Variants in GPHN observed in about 807,000 individuals in gnomAD.
GPHN encodes the protein gephyrin.
In GPHN, 17 loss-of-function variants were observed where a neutral mutation model predicts 95.5. That is an observed-to-expected ratio of 0.18 (90% CI 0.12 to 0.27). GPHN has a LOEUF of 0.27. Among genes scored for constraint, GPHN ranks in the 10% least tolerant of loss-of-function variants. GPHN has a pLI of 1.00. For missense variants in GPHN, 660 were observed against 978.1 expected (o/e 0.67, Z 4.34); for synonymous variants, 320 against 322.5 (o/e 0.99, Z 0.08).
At chr14:67,261,634 G>A in the GPHN span, among the ~76,000 whole-genome samples, 1 of 152,078 alleles carries the variant, frequency 6.6e-6, no homozygotes, top group South Asian at 2.1e-4. Context: ...GCAGAATAGA[G>A]AATAAAATTT....
At chr14:66,868,740 T>A (rs1404229837) in intron 4 of GPHN, among the ~76,000 whole-genome samples, 1 of 152,212 alleles carries the variant, frequency 6.6e-6, no homozygotes, top group Non-Finnish European at 1.5e-5. Flanking sequence ...AGCAATATCT[T>A]TTTTAAGGTC....
At chr14:67,514,120 C>T in the GPHN span, among the ~76,000 whole-genome samples, 1 of 152,168 alleles carries the variant, frequency 6.6e-6, no homozygotes, top group Admixed American at 6.5e-5. Context: ...CAAGGTTACA[C>T]CAGCAGAAAG....
chr14:67,668,606 T>A, the GPHN span, among the ~76,000 whole-genome samples: 2 of 146,738 alleles, frequency 1.4e-5, no homozygotes, highest in East Asian at 3.9e-4. Flanking sequence ...CCAATAGGTA[T>A]CTATGAAGCA....
chr14:67,249,078 T>C, the GPHN span, among the ~76,000 whole-genome samples: 4 of 152,096 alleles, frequency 2.6e-5, no homozygotes, highest in Non-Finnish European at 5.9e-5. Flanking sequence ...TTTTCCCTCC[T>C]CAGCCTCCCG....
chr14:66,782,801 C>G (rs1301024005), intron 3 of GPHN, among the ~76,000 whole-genome samples: 1 of 152,078 alleles, frequency 6.6e-6, no homozygotes, highest in African/African-American at 2.4e-5. Flanking sequence ...CCACTGCACT[C>G]CACCCTGGAT....
intron 1 of GPHN, among the ~76,000 whole-genome samples, chr14:66,626,742 T>C (rs2063543442): frequency 1.3e-5 from 2 of 152,098 alleles, no homozygotes; most frequent in African/African-American, 4.8e-5. Context: ...GATATTTTTG[T>C]AGTTAAGAAG....
intron 2 of GPHN, among the ~76,000 whole-genome samples, chr14:66,755,358 G>A (rs1484442204): frequency 2.0e-5 from 3 of 152,044 alleles, no homozygotes; most frequent in African/African-American, 7.2e-5. Context: ...CTAAATTTAT[G>A]TCACAAATGT....
At chr14:67,203,298 G>C in the GPHN span, 1 of 1,566,708 alleles carries the variant, frequency 6.4e-7, no homozygotes, top group Non-Finnish European at 8.7e-7. Flanking sequence ...CACCAGGTGA[G>C]TTACAAAGAG....
intron 4 of GPHN, among the ~76,000 whole-genome samples, chr14:66,828,458 T>C (rs948918676): frequency 1.9e-4 from 29 of 152,146 alleles, no homozygotes; most frequent in African/African-American, 7.0e-4. Flanking sequence ...CATTTACCTA[T>C]ATTATATACA....
chr14:67,328,365 G>C, the GPHN span, among the ~76,000 whole-genome samples: 1 of 152,174 alleles, frequency 6.6e-6, no homozygotes, highest in Admixed American at 6.5e-5. Context: ...TAAGTTCTTT[G>C]TAGATTCTGG....
chr14:67,453,111 G>A, the GPHN span, among the ~76,000 whole-genome samples: 1 of 152,214 alleles, frequency 6.6e-6, no homozygotes, highest in African/African-American at 2.4e-5. Flanking sequence ...CCCCAGGAAG[G>A]GGTACTGAGT....
the GPHN span, among the ~76,000 whole-genome samples, chr14:67,694,003 A>T: frequency 2.0e-5 from 3 of 152,128 alleles, no homozygotes; most frequent in Non-Finnish European, 4.4e-5. Flanking sequence ...AAATGAATGA[A>T]TGCACAAACA....
At chr14:67,152,479 A>ATAAG (rs112552328) in intron 18 of GPHN, among the ~76,000 whole-genome samples, 49,816 of 151,814 alleles carry the variant, frequency 0.33, 13,161 homozygotes, top group African/African-American at 0.71. Flanking sequence ...CAACGAGCAA[A>ATAAG]TAAGATGCTA....
chr14:67,513,475 A>G, the GPHN span, among the ~76,000 whole-genome samples: 2 of 152,186 alleles, frequency 1.3e-5, no homozygotes, highest in South Asian at 2.1e-4. Flanking sequence ...TCCTGTACCT[A>G]TAAGTGGCCA....
chr14:66,748,244 C>G (rs892630833), intron 2 of GPHN, among the ~76,000 whole-genome samples: 1 of 151,892 alleles, frequency 6.6e-6, no homozygotes, highest in Non-Finnish European at 1.5e-5. Context: ...TATTAATAAA[C>G]TCATTTTTAA....
At chr14:67,476,812 T>C in the GPHN span, among the ~76,000 whole-genome samples, 1 of 152,050 alleles carries the variant, frequency 6.6e-6, no homozygotes, top group Non-Finnish European at 1.5e-5. Context: ...ACGTACCAAA[T>C]GTCTCTCCCC....
intron 4 of GPHN, chr14:66,842,531 A>T: frequency 1.7e-6 from 1 of 602,644 alleles, no homozygotes; most frequent in East Asian, 2.9e-5. Flanking sequence ...CTTTTCCCAT[A>T]ACTCAGAAAT....
intron 1 of GPHN, among the ~76,000 whole-genome samples, chr14:66,558,642 T>C (rs1468110502): frequency 6.6e-6 from 1 of 152,178 alleles, no homozygotes; most frequent in Non-Finnish European, 1.5e-5. Flanking sequence ...TAATTGCTTA[T>C]GTCATTTAAT....
chr14:67,063,944 C>T (rs2075929271), intron 11 of GPHN, among the ~76,000 whole-genome samples: 1 of 152,036 alleles, frequency 6.6e-6, no homozygotes, highest in African/African-American at 2.4e-5. Context: ...GCCTGATTGT[C>T]CCTGGCCAGA....
Sources: allele counts gnomAD v4.1 joint callset (sites outside exome capture counted in the v4.1 genomes callset), GRCh38; gene constraint gnomAD v4.1.1; transcripts MANE v1.5; gene names NCBI Gene and HGNC (gene_info 2026-07-23, HGNC 2026-07-21).